NR4A1: variants seen among roughly 807,000 people sequenced by gnomAD.
NR4A1 encodes nuclear receptor subfamily 4immunitygroup A member 1.
In NR4A1, 24 loss-of-function variants were observed where a neutral mutation model predicts 47.5. That is an observed-to-expected ratio of 0.50 (90% CI 0.37 to 0.71). The LOEUF is 0.71. NR4A1 is among the 30% of genes least tolerant of loss of function. The pLI is 0.00. For missense variants in NR4A1, 669 were observed against 788.6 expected, an observed-to-expected ratio of 0.85 and a Z score of 1.82; for synonymous variants, 353 against 345.7, an observed-to-expected ratio of 1.02 and a Z score of -0.24.
chr12:52,058,710 G>C lies in NR4A1; in HGVS notation c.1563G>C (p.Pro521=), dbSNP rs750717562. The change falls in exon 7 of 7, where the codon CCG becomes CCC. Residue 521 remains proline, a synonymous_variant. Transcript: ENST00000394825. Reference sequence around the variant, plus strand: ...CAGACCGGCATGGGCTGCAGGAGCCGCGGCGGGTGGAGGAGCTGCAGAACC... The same window carrying C: ...CAGACCGGCATGGGCTGCAGGAGCCCCGGCGGGTGGAGGAGCTGCAGAACC... ...LITDRHGLQE[P]RRVEELQNRI... 6.2e-7 allele frequency: 1 copy of C among 1,605,282 alleles called. No individual in the cohort carries two copies. Among genetic ancestry groups the C allele is most frequent in the African/African-American group, 1.3e-5 (1 of 74,858 alleles).
rs950917555 is a variant in NR4A1, at chr12:52,035,252, C to A, written c.-83-6558C>A. Among the ~76,000 whole-genome samples, 12 of 152,198 alleles carry A rather than the reference C, an allele frequency of 7.9e-5. No individual in the cohort carries two copies. In the East Asian group the frequency reaches 2.3e-3, roughly 29 times the overall value. On this transcript the variant is annotated intron_variant, in intron 1 of 7. Coordinates refer to the NR4A1 transcript ENST00000360284. ...GCCACCCAAAGCGTGCGTGTTCTGG[C>A]ATTCCACATTTTAGAATATGTTTTA... is the stretch of plus-strand genomic sequence containing the variant.
intron 6 of NR4A1, 55 bp from the exon 7 acceptor site, chr12:52,058,633 G>A: frequency 1.9e-5 from 28 of 1,478,118 alleles, no homozygotes; most frequent in Non-Finnish European, 2.3e-5. Flanking sequence ...GGGGAGGCTG[G>A]GGCTTTGGGG....
Position 52,055,501 on chromosome 12 carries a change from C to T in NR4A1, c.876+297C>T, listed in dbSNP as rs1592306524. 2.8e-5 allele frequency: 16 copies of T among 577,824 alleles called. No homozygotes were observed. The East Asian group carries it at 4.6e-4, about 17-fold the overall frequency. The allele number at this position is 577,824 out of a possible 1,614,324, so 35.8% of individuals were successfully genotyped here. A position where few individuals can be genotyped will look rare whatever the true frequency, so the allele number is the denominator to read the frequency against. ...GCGAGCCTCTGGTTTTCCTCTGCTC[C>T]TCTGCCTGTCCTCTCCCAACTCAAG... On this transcript the variant is annotated intron_variant, in intron 2 of 6. Coordinates refer to ENST00000394825, the MANE Select transcript of NR4A1 (RefSeq NM_173157.3).
At chr12:52,050,583 G>C (rs1037304055), upstream of NR4A1, among the ~76,000 whole-genome samples, 1 of 152,244 alleles carries the variant, frequency 6.6e-6, no homozygotes, top group Non-Finnish European at 1.5e-5. Flanking sequence ...TAAGGGGCTG[G>C]GGAGGGGACG....
chr12:52,024,944 G>A (rs947267792), intron 1 of NR4A1, among the ~76,000 whole-genome samples: 4 of 152,166 alleles, frequency 2.6e-5, no homozygotes, highest in Admixed American at 6.5e-5. Context: ...ACAGCCCAGT[G>A]CATGCTGGTT....
chr12:52,031,778 ATT>A (rs61279135), intron 1 of NR4A1, among the ~76,000 whole-genome samples: 6 of 125,846 alleles, frequency 4.8e-5, no homozygotes, highest in Admixed American at 8.0e-5. Flanking sequence ...GTGATGGTTA[ATT>A]TTTTTTTTTT....
chr12:52,041,347 CACTCT>C (rs1173750988), intron 1 of NR4A1, among the ~76,000 whole-genome samples: 2 of 152,142 alleles, frequency 1.3e-5, no homozygotes, highest in Non-Finnish European at 2.9e-5. Context: ...ATCCCACATC[CACTCT>C]ACTCTAAGTT....
At chr12:52,053,792 C>G (rs1408025626) in intron 1 of NR4A1, 1 of 154,082 alleles carries the variant, frequency 6.5e-6, no homozygotes, top group Non-Finnish European at 1.4e-5. Flanking sequence ...CTTCCATTTT[C>G]ACGATGTCCT....
chr12:52,023,762 C>G lies in NR4A1; in HGVS notation c.-84+823C>G, dbSNP rs1038839339. ...GTCCTCTCATCCCCATGGCCTCGAA[C>G]CCCAGCCTGCCGAGCCGCTCCTCAC... On this transcript the variant is annotated intron_variant, in intron 1 of 7. Coordinates refer to the NR4A1 transcript ENST00000360284. Among the ~76,000 whole-genome samples, 42 of 152,262 alleles carry G rather than the reference C, an allele frequency of 2.8e-4. 1 individual carries two copies. Among genetic ancestry groups the G allele is most frequent in the Admixed American group, 1.6e-3 (25 of 15,302 alleles).
chr12:52,050,583 G>A (rs1037304055), upstream of NR4A1, among the ~76,000 whole-genome samples: 1 of 152,244 alleles, frequency 6.6e-6, no homozygotes. Context: ...TAAGGGGCTG[G>A]GGAGGGGACG....
chr12:52,026,362 A>G (rs1937999749), intron 1 of NR4A1, among the ~76,000 whole-genome samples: 1 of 152,266 alleles, frequency 6.6e-6, no homozygotes, highest in African/African-American at 2.4e-5. Context: ...AAGAAGTTAA[A>G]AATAACAACT....
chr12:52,030,398 G>A (rs2120920701), intron 1 of NR4A1, among the ~76,000 whole-genome samples: 1 of 152,274 alleles, frequency 6.6e-6, no homozygotes, highest in South Asian at 2.1e-4. Context: ...TGTGACACTG[G>A]ACATGTTTAC....
chr12:52,054,757 G>T lies in NR4A1; in HGVS notation c.429G>T (p.Thr143=), dbSNP rs993949009. The T allele has an allele frequency of 6.2e-7, 1 of 1,612,328 alleles. No homozygotes were observed. The highest frequency in any genetic ancestry group is 8.5e-7 in the Non-Finnish European group (1 of 1,179,988). Residue 143 remains threonine (T), a synonymous_variant, in exon 2 of 7, where the codon ACG becomes ACT. Coordinates refer to ENST00000394825, the MANE Select transcript of NR4A1 (RefSeq NM_173157.3). The part of the protein sequence containing the change: ...GSPCSAPSPS[T]PSFQPPQLSP... The stretch of plus-strand genomic sequence containing the variant: ...CCTGCTCGGCCCCGTCGCCCTCCAC[G>T]CCCAGCTTCCAGCCGCCCCAGCTCT...
At chr12:52,038,057 C>T (rs1029226494) in intron 1 of NR4A1, 11 of 986,270 alleles carry the variant, frequency 1.1e-5, no homozygotes, top group East Asian at 1.1e-4. Flanking sequence ...CATTCCCCCC[C>T]AACGCCCCCC....
chr12:52,030,009 CTT>C (rs1206683732), intron 1 of NR4A1, among the ~76,000 whole-genome samples: 5 of 152,224 alleles, frequency 3.3e-5, no homozygotes, highest in South Asian at 2.1e-4. Context: ...GAAGTGGACA[CTT>C]ATAAACTTCT....
At chr12:52,048,383 A>G (rs1004866268), upstream of NR4A1, among the ~76,000 whole-genome samples, 15 of 151,968 alleles carry the variant, frequency 9.9e-5, no homozygotes, top group African/African-American at 3.6e-4. Flanking sequence ...TCACAAGGTC[A>G]GGAGATCAAG....
At chr12:52,025,442 C>A (rs898240635) in intron 1 of NR4A1, among the ~76,000 whole-genome samples, 5 of 152,308 alleles carry the variant, frequency 3.3e-5, no homozygotes, top group African/African-American at 1.2e-4. Context: ...CGCCTTCCCA[C>A]CGGTCCTGTG....
chr12:52,025,620 T>G (rs1937985653), intron 1 of NR4A1, among the ~76,000 whole-genome samples: 1 of 152,206 alleles, frequency 6.6e-6, no homozygotes, highest in Non-Finnish European at 1.5e-5. Flanking sequence ...ATTGCACTTC[T>G]CGTTATGTGC....
At chr12:52,038,583 C>T in intron 1 of NR4A1, 1 of 645,606 alleles carries the variant, frequency 1.5e-6, no homozygotes, top group African/African-American at 1.8e-5. Context: ...TGGCTTGGGG[C>T]CCTAGTGGTG....
Sources: allele counts gnomAD v4.1 joint callset (sites outside exome capture counted in the v4.1 genomes callset), GRCh38; gene constraint gnomAD v4.1.1; transcripts MANE v1.5; gene names NCBI Gene and HGNC (gene_info 2026-07-23, HGNC 2026-07-21).